The following PDE4D variants were observed in gnomAD, a reference collection of about 807,000 sequenced individuals.
PDE4D encodes 3',5'-cyclic-AMP phosphodiesterase 4D.
A neutral mutation model predicts 87.4 loss-of-function variants in PDE4D; 24 were observed. The ratio of observed to expected loss-of-function variants is 0.27; its 90% CI spans 0.20 to 0.39. The LOEUF (loss-of-function observed/expected upper bound fraction) is 0.39, where lower values mean the gene tolerates loss of function less well. PDE4D is among the 10% of genes least tolerant of loss of function. The pLI, the probability that PDE4D is intolerant of heterozygous loss-of-function variation, is 1.00. For synonymous variants in PDE4D, 384 were observed against 383.2 expected, an observed-to-expected ratio of 1.00 and a Z score of -0.02; for missense variants, 714 against 1,041.0, an observed-to-expected ratio of 0.69 and a Z score of 4.32.
chr5:59,662,719 C>A (rs942241407), intron 1 of PDE4D, among the ~76,000 whole-genome samples: 1 of 152,086 alleles, frequency 6.6e-6, no homozygotes, highest in Admixed American at 6.6e-5. Flanking sequence ...ATAACATATC[C>A]GTTCTCTTAT....
At chr5:60,214,089 T>A (rs201655878) in intron 1 of PDE4D, among the ~76,000 whole-genome samples, 1 of 152,294 alleles carries the variant, frequency 6.6e-6, no homozygotes, top group East Asian at 1.9e-4. Context: ...AACTTCCATA[T>A]CATCTCCTTG....
At chr5:59,536,582 C>G (rs919520894) in intron 1 of PDE4D, among the ~76,000 whole-genome samples, 4 of 145,680 alleles carry the variant, frequency 2.7e-5, no homozygotes, top group Admixed American at 1.4e-4. Context: ...AATGTTGGAA[C>G]TACCCAACTT....
At chr5:60,439,552 T>C (rs150313755) in intron 1 of PDE4D, among the ~76,000 whole-genome samples, 1 of 152,288 alleles carries the variant, frequency 6.6e-6, no homozygotes, top group African/African-American at 2.4e-5. Context: ...ATCTGCTATA[T>C]GAAACCTTCT....
intron 6 of PDE4D, among the ~76,000 whole-genome samples, chr5:59,032,883 A>C (rs2153386440): frequency 6.6e-6 from 1 of 152,304 alleles, no homozygotes; most frequent in Admixed American, 6.5e-5. Flanking sequence ...ACTGAGCTCC[A>C]GAGCGGTAAG....
intron 1 of PDE4D, among the ~76,000 whole-genome samples, chr5:59,356,497 G>A (rs1431259078): frequency 6.6e-6 from 1 of 152,106 alleles, no homozygotes; most frequent in Non-Finnish European, 1.5e-5. Context: ...TTTTTCAGGT[G>A]GCAGTAATAT....
intron 1 of PDE4D, among the ~76,000 whole-genome samples, chr5:59,566,625 A>G (rs144590543): frequency 6.6e-6 from 1 of 151,236 alleles, no homozygotes; most frequent in East Asian, 2.0e-4. Context: ...TGATTAATGC[A>G]TGTCTTCCCC....
At chr5:60,156,682 T>A (rs138229093) in intron 2 of PDE4D, among the ~76,000 whole-genome samples, 1 of 152,180 alleles carries the variant, frequency 6.6e-6, no homozygotes, top group Non-Finnish European at 1.5e-5. Context: ...AAATCACCCA[T>A]AATCTTACCT....
intron 5 of PDE4D, among the ~76,000 whole-genome samples, chr5:59,113,525 C>CT (rs1773045015): frequency 6.6e-6 from 1 of 152,150 alleles, no homozygotes; most frequent in African/African-American, 2.4e-5. Flanking sequence ...GAAATTGTGT[C>CT]TTTTTTGTTT....
At chr5:59,732,008 A>C (rs926361642) in intron 1 of PDE4D, among the ~76,000 whole-genome samples, 2 of 152,216 alleles carry the variant, frequency 1.3e-5, no homozygotes, top group Admixed American at 6.6e-5. Context: ...AATCATTGCC[A>C]CTGCAAATGC....
At position 59,315,668 on chromosome 5, in the gene PDE4D, G is replaced by A. The variant is rs534715941; in HGVS notation, c.456-99700C>T. 4.4e-4 allele frequency among the ~76,000 whole-genome samples: 67 copies of A among 152,216 alleles called. 1 individual carries two copies. Among genetic ancestry groups the A allele is most frequent in the African/African-American group, 1.6e-3 (65 of 41,546 alleles). On this transcript the variant is annotated intron_variant, in intron 1 of 14. Transcript: ENST00000340635. ...TTAAGCTTGTAGGCAACAACTTTGCGATAAAACCCTAGGAATTGAGCAGGC... is the reference window on the plus strand; with the variant it reads ...TTAAGCTTGTAGGCAACAACTTTGCAATAAAACCCTAGGAATTGAGCAGGC...
chr5:59,893,759 T>C (rs894636751), upstream of PDE4D: 1 of 1,353,396 alleles, frequency 7.4e-7, no homozygotes, highest in South Asian at 1.8e-5. Flanking sequence ...AGCTTCTCAC[T>C]TGAAGGCGCC....
chr5:59,862,914 G>A (rs1746491663), intron 1 of PDE4D, among the ~76,000 whole-genome samples: 1 of 152,136 alleles, frequency 6.6e-6, no homozygotes. Context: ...AGATGAATTT[G>A]ACATTTCTAT....
intron 1 of PDE4D, among the ~76,000 whole-genome samples, chr5:60,380,020 G>A (rs548554865): frequency 1.3e-5 from 2 of 152,236 alleles, no homozygotes; most frequent in South Asian, 2.1e-4. Flanking sequence ...GTGAAAGTAT[G>A]AGCAAAGGTA....
At chr5:60,149,704 G>A (rs1262899300) in intron 2 of PDE4D, among the ~76,000 whole-genome samples, 1 of 151,628 alleles carries the variant, frequency 6.6e-6, no homozygotes, top group African/African-American at 2.4e-5. Context: ...TGGACACAGA[G>A]TGAAAGTTTA....
chr5:59,114,270 A>G (rs982300747), intron 5 of PDE4D, among the ~76,000 whole-genome samples: 1 of 152,198 alleles, frequency 6.6e-6, no homozygotes, highest in African/African-American at 2.4e-5. Flanking sequence ...GGAAGGATTT[A>G]AAGTATATAT....
chr5:60,220,970 A>G (rs1455049416), intron 1 of PDE4D, among the ~76,000 whole-genome samples: 1 of 152,272 alleles, frequency 6.6e-6, no homozygotes, highest in East Asian at 1.9e-4. Context: ...ATAATCCTCA[A>G]CACTAAAGAT....
At chr5:59,983,951 G>A (rs991476624) in intron 3 of PDE4D, among the ~76,000 whole-genome samples, 3 of 151,984 alleles carry the variant, frequency 2.0e-5, no homozygotes, top group Non-Finnish European at 4.4e-5. Context: ...ACAACCCAAA[G>A]GTTCATTAGT....
intron 1 of PDE4D, among the ~76,000 whole-genome samples, chr5:59,395,469 C>G (rs1789215050): frequency 6.6e-6 from 1 of 152,166 alleles, no homozygotes; most frequent in African/African-American, 2.4e-5. Flanking sequence ...CCAGCAGGGG[C>G]AGGCTGACAC....
chr5:60,197,448 TA>T (rs543778958), intron 1 of PDE4D, among the ~76,000 whole-genome samples: 9 of 151,612 alleles, frequency 5.9e-5, no homozygotes, highest in Admixed American at 1.3e-4. Context: ...TTTTAAGACC[TA>T]ATAATACTCT....
Sources: gnomAD v4.1 joint callset for allele counts (sites outside exome capture counted in the v4.1 genomes callset) on GRCh38, gnomAD v4.1.1 for gene constraint, MANE v1.5 for transcripts, NCBI Gene and HGNC (gene_info 2026-07-23, HGNC 2026-07-21) for gene names.